GOLGA6L26: variants seen among roughly 807,000 people sequenced by gnomAD.
GOLGA6L26 encodes the protein golgin A6 family like 26.
chr15:23,327,313 C>G, the GOLGA6L26 span: 1 of 927,668 alleles, frequency 1.1e-6, no homozygotes, highest in South Asian at 1.5e-5. Context: ...TCTTCTCCTC[C>G]TGCTCCCGTA....
At chr15:23,327,502 C>G in the GOLGA6L26 span, 4 of 343,998 alleles carry the variant, frequency 1.2e-5, no homozygotes, top group Admixed American at 1.6e-4. Flanking sequence ...TCTCCTTTTG[C>G]CTCCATATCT....
chr15:23,327,309 C>A, the GOLGA6L26 span: 2 of 831,234 alleles, frequency 2.4e-6, no homozygotes, highest in Non-Finnish European at 3.6e-6. Flanking sequence ...CGTATCTTCT[C>A]CTCCTGCTCC....
At chr15:23,334,147 A>G in the GOLGA6L26 span, 2,469 of 651,970 alleles carry the variant, frequency 3.8e-3, 88 homozygotes, top group Middle Eastern at 0.013. Flanking sequence ...AGCATGATCC[A>G]GGTGAGGACA....
At chr15:23,327,380 C>G in the GOLGA6L26 span, 1 of 546,064 alleles carries the variant, frequency 1.8e-6, no homozygotes, top group Non-Finnish European at 3.0e-6. Flanking sequence ...CTCCTCCTGC[C>G]TCCACATCTT....
chr15:23,330,441 C>T, the GOLGA6L26 span, among the ~76,000 whole-genome samples: 7 of 115,316 alleles, frequency 6.1e-5, no homozygotes, highest in Admixed American at 1.6e-4. Context: ...GTACCCTAAC[C>T]GCCACTTAGG....
the GOLGA6L26 span, chr15:23,327,582 G>A: frequency 1.2e-4 from 16 of 128,468 alleles, 2 homozygotes; most frequent in South Asian, 3.8e-4. Flanking sequence ...TCCTCCTCCC[G>A]TATCTTCTCC....
the GOLGA6L26 span, chr15:23,327,300 G>A: frequency 4.9e-5 from 32 of 647,488 alleles, 4 homozygotes; most frequent in Middle Eastern, 1.4e-3. Context: ...TCCTGCTCTC[G>A]TATCTTCTCC....
At chr15:23,334,073 G>T in the GOLGA6L26 span, 267 of 508,334 alleles carry the variant, frequency 5.3e-4, 8 homozygotes, top group South Asian at 2.0e-3. Context: ...TCATAGGATG[G>T]GTAGGGAGGT....
chr15:23,326,883 C>T, the GOLGA6L26 span: 2 of 174,358 alleles, frequency 1.1e-5, no homozygotes, highest in East Asian at 6.7e-5. Flanking sequence ...CCCAAGAGCT[C>T]GGCCTTCTGC....
the GOLGA6L26 span, among the ~76,000 whole-genome samples, chr15:23,333,489 T>TG: frequency 2.0e-5 from 1 of 50,404 alleles, no homozygotes; most frequent in East Asian, 3.8e-4. Flanking sequence ...GTGGAGTGGT[T>TG]GGGGGGGACA....
the GOLGA6L26 span, chr15:23,327,287 T>C: frequency 5.3e-6 from 3 of 569,846 alleles, no homozygotes; most frequent in Admixed American, 5.9e-5. Context: ...CTGCATCATC[T>C]CCTCCTGCTC....
At chr15:23,326,951 T>G in the GOLGA6L26 span, 1 of 258,314 alleles carries the variant, frequency 3.9e-6, no homozygotes, top group South Asian at 3.0e-5. Flanking sequence ...TTCCTGCATC[T>G]TCTCCTCCTG....
At chr15:23,329,522 CTTTTT>C in the GOLGA6L26 span, among the ~76,000 whole-genome samples, 1 of 5,972 alleles carries the variant, frequency 1.7e-4, no homozygotes, top group African/African-American at 2.9e-4. Flanking sequence ...TTCTTTCTTT[CTTTTT>C]TTTTTTTTTT....
At chr15:23,327,484 G>T in the GOLGA6L26 span, 5 of 309,168 alleles carry the variant, frequency 1.6e-5, 1 homozygote, top group East Asian at 1.9e-4. Flanking sequence ...TCTCCTGCTC[G>T]TGCATCTTCT....
the GOLGA6L26 span, chr15:23,326,990 ATCT>A: frequency 7.2e-6 from 2 of 277,472 alleles, no homozygotes; most frequent in Admixed American, 8.5e-5. Flanking sequence ...CTGCTCCCAC[ATCT>A]TCTCCTCCTG....
the GOLGA6L26 span, chr15:23,327,279 G>T: frequency 1.3e-5 from 6 of 447,180 alleles, no homozygotes; most frequent in East Asian, 1.9e-4. Flanking sequence ...TCCTGTTCCT[G>T]CATCATCTCC....
the GOLGA6L26 span, among the ~76,000 whole-genome samples, chr15:23,329,527 T>TTCTTTTTA: frequency 2.0e-4 from 1 of 4,990 alleles, no homozygotes; most frequent in African/African-American, 3.7e-4. Context: ...TCTTTCTTTT[T>TTCTTTTTA]TTTTTTTTTT....
the GOLGA6L26 span, chr15:23,327,374 T>C: frequency 3.8e-6 from 3 of 780,318 alleles, no homozygotes; most frequent in East Asian, 8.3e-5. Flanking sequence ...TATCTTCTCC[T>C]CCTGCCTCCA....
the GOLGA6L26 span, chr15:23,327,125 TCCTGCTCCC>T: frequency 9.4e-5 from 19 of 202,044 alleles, no homozygotes; most frequent in Non-Finnish European, 1.3e-4. Flanking sequence ...TATCTTCTCC[TCCTGCTCCC>T]ATATCTTCTC....
Sources: allele counts gnomAD v4.1 joint callset (sites outside exome capture counted in the v4.1 genomes callset), GRCh38; gene constraint gnomAD v4.1.1; transcripts MANE v1.5; gene names NCBI Gene and HGNC (gene_info 2026-07-23, HGNC 2026-07-21).